Variants in CRHBP observed in about 807,000 individuals in gnomAD.
The protein encoded by CRHBP is corticotropin-releasing hormone-binding protein.
Under a neutral mutation model 34.9 loss-of-function variants are expected in CRHBP, and 19 were observed. The ratio of observed to expected loss-of-function variants is 0.55; its 90% CI spans 0.38 to 0.80. The LOEUF (loss-of-function observed/expected upper bound fraction) is 0.80, where lower values mean the gene tolerates loss of function less well. Among genes scored for constraint, CRHBP ranks in the 30% least tolerant of loss-of-function variants. The pLI is 0.00. For missense variants in CRHBP, 328 were observed against 409.2 expected, an observed-to-expected ratio of 0.80 and a Z score of 1.71; for synonymous variants, 154 against 153.4, an observed-to-expected ratio of 1.00 and a Z score of -0.03.
chr5:76,964,606 C>A (rs1312031546), intron 6 of CRHBP, among the ~76,000 whole-genome samples: 1 of 152,226 alleles, frequency 6.6e-6, no homozygotes, highest in South Asian at 2.1e-4. Context: ...GTAATCACAG[C>A]ACTTTGGGAG....
intron 2 of CRHBP, among the ~76,000 whole-genome samples, chr5:76,974,526 G>T (rs891600445): frequency 1.2e-4 from 18 of 149,176 alleles, no homozygotes; most frequent in Non-Finnish European, 2.2e-4. Flanking sequence ...GAAAACAAAG[G>T]TTTGATGGAC....
At chr5:76,963,140 C>A in intron 5 of CRHBP, 2 of 515,562 alleles carry the variant, frequency 3.9e-6, no homozygotes, top group Non-Finnish European at 6.9e-6. Context: ...AAAATGATTA[C>A]TCAACTGATT....
chr5:76,958,295 GA>G (rs200373357), intron 4 of CRHBP, among the ~76,000 whole-genome samples: 1,757 of 152,092 alleles, frequency 0.012, 48 homozygotes, highest in African/African-American at 0.04. Context: ...GAATGAAAAA[GA>G]AAATACTTAA....
rs114848092 is a variant in CRHBP at position 76,969,041 on chromosome 5, G to A, written c.*156G>A. Reference sequence around the variant, plus strand: ...CACACACACACACACATACACACACGCATTAATTTTTGTACTTTGCTTCTT... The same window carrying A: ...CACACACACACACACATACACACACACATTAATTTTTGTACTTTGCTTCTT... On this transcript the variant is annotated 3_prime_UTR_variant, in exon 7 of 7. Transcript: ENST00000274368. The A allele has an allele frequency of 1.4e-3, 948 of 695,442 alleles. 10 individuals are homozygous for A. In the African/African-American group the frequency reaches 0.015, roughly 11 times the overall value. 43.1% of individuals were successfully genotyped at this position (695,442 alleles called of 1,614,324 possible).
rs550937164 is a variant in CRHBP, at chr5:76,958,931, A to G, written c.693+42A>G. The G allele has an allele frequency of 3.1e-6, 5 of 1,604,022 alleles. No homozygotes were observed. The South Asian group carries it at 4.5e-5, about 14-fold the overall frequency. ...TTTCCTAACCGTTTGATAAGGCCAC[A>G]ACTTTATCAGAGCAGAAGCAATCAT... On this transcript the variant is annotated intron_variant, in intron 5 of 6. Transcript: ENST00000274368.
In CRHBP at chr5:76,975,803, C is replaced by CAAAAAAAAAAAAAAAA. The variant is rs1158363151; in HGVS notation, n.312-554_312-539dup. On this transcript the variant is annotated intron_variant and non_coding_transcript_variant, in intron 2 of 3. Transcript: ENST00000514258. ...TGGGCAACAGAGCGAGACTCTGTCT[C>CAAAAAAAAAAAAAAAA]AAAAAAAAAAAAAAAAAAAAAAATA... is the stretch of plus-strand genomic sequence containing the variant. Among the ~76,000 whole-genome samples the CAAAAAAAAAAAAAAAA allele has an allele frequency of 2.0e-4, 7 of 35,224 alleles. 1 individual carries two copies. Among genetic ancestry groups the CAAAAAAAAAAAAAAAA allele is most frequent in the African/African-American group, 9.0e-4 (7 of 7,790 alleles). 23.1% of individuals were successfully genotyped at this position (35,224 alleles called of 152,430 possible).
At position 76,958,836 on chromosome 5, in the gene CRHBP, G is replaced by A. The variant is rs1202280841; in HGVS notation, c.640G>A (p.Val214Met). The A allele has an allele frequency of 6.2e-7, 1 of 1,613,970 alleles. No homozygotes were observed. The highest frequency in any genetic ancestry group is 1.3e-5 in the African/African-American group (1 of 75,030). Residue 214 changes from valine (V) to methionine (M), a missense_variant, in exon 5 of 7, where the codon GTG becomes ATG. Val to Met is a conservative substitution (Grantham distance 21, BLOSUM62 1). Transcript: ENST00000274368. ...CAGCTTCTCCATAATTTATCCTGTG[G>A]TGATCAAAATATCTGATCTTACCCT... ...NCSFSIIYPV[V>M]IKISDLTLGH... is the part of the protein sequence containing the mutation.
downstream of CRHBP, among the ~76,000 whole-genome samples, chr5:76,973,827 C>G (rs1214391856): frequency 1.2e-5 from 1 of 81,898 alleles, no homozygotes; most frequent in Non-Finnish European, 2.3e-5. Context: ...TTATTTAAGA[C>G]AGAGTCTTGC....
chr5:76,976,893 A>G (rs373398219), intron 3 of CRHBP, among the ~76,000 whole-genome samples: 1 of 152,194 alleles, frequency 6.6e-6, no homozygotes, highest in African/African-American at 2.4e-5. Flanking sequence ...CCTCTACAGT[A>G]TCTACTCATC....
intron 3 of CRHBP, 140 bp downstream of exon 3, chr5:76,954,326 C>G: frequency 9.7e-7 from 1 of 1,031,340 alleles, no homozygotes; most frequent in Non-Finnish European, 1.4e-6. Context: ...GTGCCCGAGT[C>G]GGAGAGGCGC....
downstream of CRHBP, among the ~76,000 whole-genome samples, chr5:76,973,299 T>C (rs1189789208): frequency 6.6e-6 from 1 of 152,228 alleles, no homozygotes; most frequent in Non-Finnish European, 1.5e-5. Flanking sequence ...TTTGATCTTA[T>C]GAAAACTAAG....
chr5:76,975,825 A>AAAAAAAAAAAC, intron 2 of CRHBP, among the ~76,000 whole-genome samples: 6 of 61,860 alleles, frequency 9.7e-5, no homozygotes, highest in East Asian at 5.2e-4. Flanking sequence ...AAAAAAAAAA[A>AAAAAAAAAAAC]ATATATATAT....
At chr5:76,977,185 C>G (rs1746046196) in intron 3 of CRHBP, among the ~76,000 whole-genome samples, 2 of 152,190 alleles carry the variant, frequency 1.3e-5, no homozygotes, top group South Asian at 4.1e-4. Flanking sequence ...CAAAACAAAA[C>G]AAACTCAAAA....
chr5:76,967,318 A>G (rs1384626633), intron 6 of CRHBP, among the ~76,000 whole-genome samples: 1 of 152,228 alleles, frequency 6.6e-6, no homozygotes, highest in Non-Finnish European at 1.5e-5. Context: ...CCTGGTACTT[A>G]TATTAAAATA....
Position 76,954,195 on chromosome 5 carries a change from C to G in CRHBP, c.333+9C>G. 6.2e-7 allele frequency: 1 copy of G among 1,610,564 alleles called. No homozygotes were observed. The highest frequency in any genetic ancestry group is 8.5e-7 in the Non-Finnish European group (1 of 1,178,190). ...GCGGCGACTTCCTGAAGGTGAGGCG[C>G]CCACGGCCAGCCAACCTAGCCGGAG... On this transcript the variant is annotated intron_variant, in intron 3 of 6. Coordinates refer to ENST00000274368, the MANE Select transcript of CRHBP (RefSeq NM_001882.4).
chr5:76,962,415 G>A (rs1009943462), intron 5 of CRHBP, among the ~76,000 whole-genome samples: 4 of 152,096 alleles, frequency 2.6e-5, no homozygotes, highest in Non-Finnish European at 4.4e-5. Flanking sequence ...GTACTTTTGG[G>A]ACTAAGAGTG....
intron 6 of CRHBP, among the ~76,000 whole-genome samples, chr5:76,963,750 T>C (rs1004010179): frequency 4.6e-5 from 7 of 152,204 alleles, no homozygotes; most frequent in African/African-American, 1.7e-4. Flanking sequence ...GGGTCTCTGC[T>C]TTCATTTTCT....
chr5:76,956,831 A>G (rs1480044005), intron 4 of CRHBP, among the ~76,000 whole-genome samples: 1 of 152,188 alleles, frequency 6.6e-6, no homozygotes, highest in Non-Finnish European at 1.5e-5. Context: ...TCATTTTTGC[A>G]TACAGTAGAA....
chr5:76,975,845 T>TATATACAC (rs1237085128), intron 2 of CRHBP, among the ~76,000 whole-genome samples: 1 of 97,638 alleles, frequency 1.0e-5, no homozygotes, highest in African/African-American at 5.8e-5. Context: ...TATATATATA[T>TATATACAC]ACACGCATAT....
Sources: allele counts gnomAD v4.1 joint callset (sites outside exome capture counted in the v4.1 genomes callset), GRCh38; gene constraint gnomAD v4.1.1; transcripts MANE v1.5; gene names NCBI Gene and HGNC (gene_info 2026-07-23, HGNC 2026-07-21).